Variants in SNTG1 observed in about 807,000 individuals in gnomAD.
SNTG1 encodes gamma-1-syntrophin.
A neutral mutation model predicts 74.7 loss-of-function variants in SNTG1; 39 were observed. The ratio of observed to expected loss-of-function variants is 0.52; its 90% CI spans 0.40 to 0.68. The LOEUF (loss-of-function observed/expected upper bound fraction) is 0.68, where lower values mean the gene tolerates loss of function less well. Among genes scored for constraint, SNTG1 ranks in the 30% least tolerant of loss-of-function variants. SNTG1 has a pLI of 0.00. For missense variants in SNTG1, 685 were observed against 609.5 expected (o/e 1.12, Z -1.30); for synonymous variants, 254 against 217.1 (o/e 1.17, Z -1.49).
intron 15 of SNTG1, among the ~76,000 whole-genome samples, chr8:50,675,683 A>T (rs7013993): frequency 0.059 from 9,012 of 152,098 alleles, 877 homozygotes; most frequent in African/African-American, 0.21. Context: ...ATTATATGTG[A>T]ATTTGATCCT....
intron 15 of SNTG1, among the ~76,000 whole-genome samples, chr8:50,666,598 G>C (rs1220241531): frequency 1.3e-5 from 2 of 152,120 alleles, no homozygotes; most frequent in African/African-American, 4.8e-5. Flanking sequence ...TCCATGTCAG[G>C]AGTTTCTATA....
At chr8:50,664,392 A>G (rs2095240564) in intron 15 of SNTG1, among the ~76,000 whole-genome samples, 1 of 152,224 alleles carries the variant, frequency 6.6e-6, no homozygotes, top group South Asian at 2.1e-4. Context: ...GAAAAAGCTC[A>G]TGATGCAGAA....
intron 2 of SNTG1, among the ~76,000 whole-genome samples, chr8:50,217,557 T>A (rs372851396): frequency 6.6e-6 from 1 of 151,974 alleles, no homozygotes; most frequent in South Asian, 2.1e-4. Flanking sequence ...AAAAGTCGAG[T>A]GGGTGCACAC....
intron 1 of SNTG1, among the ~76,000 whole-genome samples, chr8:50,143,487 T>G (rs1401645549): frequency 6.6e-6 from 1 of 152,200 alleles, no homozygotes; most frequent in Non-Finnish European, 1.5e-5. Flanking sequence ...GTAGCAGAAA[T>G]TGCTTCTGTG....
At chr8:49,910,713 G>A (rs2129331790), upstream of SNTG1, among the ~76,000 whole-genome samples, 1 of 152,268 alleles carries the variant, frequency 6.6e-6, no homozygotes, top group African/African-American at 2.4e-5. Flanking sequence ...GAGTAGGGAG[G>A]CGAGGGGGCA....
At chr8:50,696,471 A>G (rs780554333) in intron 15 of SNTG1, among the ~76,000 whole-genome samples, 3 of 151,876 alleles carry the variant, frequency 2.0e-5, no homozygotes, top group Non-Finnish European at 4.4e-5. Flanking sequence ...TTTTAATTTA[A>G]TTAAGTCCTA....
intron 3 of SNTG1, among the ~76,000 whole-genome samples, chr8:50,400,662 G>T (rs1032374421): frequency 3.9e-5 from 6 of 152,140 alleles, no homozygotes; most frequent in African/African-American, 1.4e-4. Flanking sequence ...ACCAGCATTT[G>T]TTATTTTTTG....
At chr8:50,343,383 T>A (rs2091377589) in intron 2 of SNTG1, among the ~76,000 whole-genome samples, 1 of 152,222 alleles carries the variant, frequency 6.6e-6, no homozygotes, top group Admixed American at 6.5e-5. Flanking sequence ...AAAACTGTAT[T>A]TTAAGGCTGG....
chr8:50,579,849 G>T (rs772010850), intron 12 of SNTG1, among the ~76,000 whole-genome samples: 2 of 152,182 alleles, frequency 1.3e-5, no homozygotes, highest in Non-Finnish European at 1.5e-5. Context: ...TGCAGCAGTG[G>T]AGCCCTCATG....
At chr8:49,978,794 T>C (rs1040757130) in intron 1 of SNTG1, among the ~76,000 whole-genome samples, 19 of 152,232 alleles carry the variant, frequency 1.2e-4, no homozygotes, top group Non-Finnish European at 4.4e-5. Flanking sequence ...AGGTTCTATA[T>C]TTCTGTTCAT....
chr8:50,487,237 G>C (rs1297366938), intron 8 of SNTG1, among the ~76,000 whole-genome samples: 4 of 152,194 alleles, frequency 2.6e-5, no homozygotes. Context: ...TACACTGTTG[G>C]TGGGACTGTA....
At chr8:50,608,073 AT>A (rs764351983) in intron 13 of SNTG1, among the ~76,000 whole-genome samples, 3 of 151,638 alleles carry the variant, frequency 2.0e-5, no homozygotes, top group Non-Finnish European at 3.0e-5. Flanking sequence ...CAGAGAACAT[AT>A]TTCACGTGAT....
intron 8 of SNTG1, among the ~76,000 whole-genome samples, chr8:50,487,194 G>A (rs1436068587): frequency 6.6e-6 from 1 of 152,194 alleles, no homozygotes; most frequent in African/African-American, 2.4e-5. Flanking sequence ...AACAACAGGT[G>A]CTGGAGAGGA....
intron 1 of SNTG1, among the ~76,000 whole-genome samples, chr8:49,958,017 A>G (rs1373018577): frequency 6.6e-6 from 1 of 152,194 alleles, no homozygotes; most frequent in East Asian, 1.9e-4. Flanking sequence ...TTAAAAAAAA[A>G]ATTCTGCTGT....
intron 2 of SNTG1, among the ~76,000 whole-genome samples, chr8:50,204,626 T>C (rs1356266643): frequency 6.6e-6 from 1 of 152,206 alleles, no homozygotes; most frequent in Admixed American, 6.6e-5. Context: ...ACATGCAGGT[T>C]TGTTACATAT....
At chr8:50,241,953 CT>C (rs1193642575) in intron 2 of SNTG1, among the ~76,000 whole-genome samples, 5 of 151,918 alleles carry the variant, frequency 3.3e-5, no homozygotes, top group Admixed American at 6.6e-5. Context: ...AACCTCACTT[CT>C]GGAGTGATGG....
At chr8:50,300,868 T>C (rs1383118882) in intron 2 of SNTG1, among the ~76,000 whole-genome samples, 1 of 152,180 alleles carries the variant, frequency 6.6e-6, no homozygotes, top group Non-Finnish European at 1.5e-5. Flanking sequence ...GTTTTTATTT[T>C]CTTTTAACAC....
At chr8:49,926,925 G>A (rs1256658633) in intron 1 of SNTG1, among the ~76,000 whole-genome samples, 1 of 152,084 alleles carries the variant, frequency 6.6e-6, no homozygotes, top group Non-Finnish European at 1.5e-5. Flanking sequence ...TAAAAAATCG[G>A]TAAAGGACCT....
chr8:50,626,998 T>C (rs1194205129), intron 13 of SNTG1, among the ~76,000 whole-genome samples: 1 of 152,208 alleles, frequency 6.6e-6, no homozygotes, highest in Non-Finnish European at 1.5e-5. Flanking sequence ...TTTTTCACTA[T>C]TGATGTTGAT....
Sources: allele counts gnomAD v4.1 joint callset (sites outside exome capture counted in the v4.1 genomes callset), GRCh38; gene constraint gnomAD v4.1.1; transcripts MANE v1.5; gene names NCBI Gene and HGNC (gene_info 2026-07-23, HGNC 2026-07-21).